Variants in DPH6 observed in about 807,000 individuals in gnomAD.
DPH6 encodes diphthine--ammonia ligase.
Under a neutral mutation model 38.2 loss-of-function variants are expected in DPH6, and 33 were observed. The observed-to-expected ratio is 0.86, with a 90% CI of 0.65 to 1.15. DPH6 has a LOEUF of 1.15. DPH6 is among the 50% of genes most tolerant of loss of function. The probability of loss-of-function intolerance (pLI) is 0.00; values close to 1 mark genes in which losing one functional copy is unlikely to be tolerated. For synonymous variants in DPH6, 108 were observed against 103.0 expected (o/e 1.05, Z -0.30); for missense variants, 325 against 320.0 (o/e 1.02, Z -0.12).
intron 3 of DPH6, among the ~76,000 whole-genome samples, chr15:35,507,793 T>A (rs939689676): frequency 1.4e-4 from 22 of 152,040 alleles, no homozygotes; most frequent in African/African-American, 5.3e-4. Context: ...CTGGTTGGGT[T>A]TTCAACTCTT....
intron 5 of DPH6, among the ~76,000 whole-genome samples, chr15:35,443,120 T>C (rs1370827214): frequency 6.6e-6 from 1 of 152,160 alleles, no homozygotes; most frequent in Non-Finnish European, 1.5e-5. Context: ...TAAAAAGATC[T>C]CTTAAAAATG....
intron 3 of DPH6, among the ~76,000 whole-genome samples, chr15:35,324,879 ATGAAAG>A (rs2052269438): frequency 6.6e-6 from 1 of 152,206 alleles, no homozygotes; most frequent in South Asian, 2.1e-4. Flanking sequence ...ACTGGCTGCT[ATGAAAG>A]TGAAACAATT....
intron 3 of DPH6, among the ~76,000 whole-genome samples, chr15:35,279,958 A>T (rs2051887682): frequency 6.6e-6 from 1 of 151,990 alleles, no homozygotes; most frequent in Non-Finnish European, 1.5e-5. Context: ...TGAGGGAGTA[A>T]TCTCTTTCCC....
intron 6 of DPH6, among the ~76,000 whole-genome samples, chr15:35,388,476 C>G (rs2053004090): frequency 6.6e-6 from 1 of 152,110 alleles, no homozygotes; most frequent in Non-Finnish European, 1.5e-5. Flanking sequence ...TGGTCCTGGA[C>G]TGTTTTTATT....
chr15:35,362,660 A>G (rs1236697028), intron 3 of DPH6, among the ~76,000 whole-genome samples: 1 of 152,230 alleles, frequency 6.6e-6, no homozygotes, highest in African/African-American at 2.4e-5. Context: ...ATTGCCCCAA[A>G]GAGTTGGAAT....
intron 3 of DPH6, chr15:35,520,229 A>C (rs2054903365): frequency 9.7e-5 from 49 of 504,044 alleles, no homozygotes; most frequent in Non-Finnish European, 1.2e-4. Flanking sequence ...ACAAAAAAAA[A>C]CAAAAAAAAA....
intron 3 of DPH6, among the ~76,000 whole-genome samples, chr15:35,251,574 T>C (rs372764447): frequency 2.6e-5 from 4 of 152,218 alleles, no homozygotes; most frequent in African/African-American, 7.2e-5. Context: ...ACCACACCTG[T>C]GTACCACATC....
Position 35,408,423 on chromosome 15 carries a change from T to C in DPH6, c.567+2412A>G, listed in dbSNP as rs1401362953. Among the ~76,000 whole-genome samples, 14 of 151,982 alleles carry C rather than the reference T, an allele frequency of 9.2e-5. No homozygotes were observed. In the East Asian group the frequency reaches 2.5e-3, roughly 27 times the overall value. The stretch of plus-strand genomic sequence containing the variant: ...TGATGACAAAGAGAATGGCAAAAAA[T>C]GATGGATATCAAGGCTACCATCGAG... On this transcript the variant is annotated intron_variant, in intron 6 of 8. Coordinates refer to ENST00000256538, the MANE Select transcript of DPH6 (RefSeq NM_080650.4).
chr15:35,439,987 A>G (rs1256263850), intron 5 of DPH6, among the ~76,000 whole-genome samples: 1 of 152,218 alleles, frequency 6.6e-6, no homozygotes, highest in Non-Finnish European at 1.5e-5. Flanking sequence ...GAGAGAAATT[A>G]TGTTTCAAAA....
chr15:35,245,077 A>G (rs937923591), intron 3 of DPH6, among the ~76,000 whole-genome samples: 13 of 152,270 alleles, frequency 8.5e-5, no homozygotes, highest in African/African-American at 2.9e-4. Context: ...AGTGTGATTT[A>G]AATATGAACC....
chr15:35,262,705 CAAAAAAAAAAAAAAAA>C (rs58580024), intron 3 of DPH6, among the ~76,000 whole-genome samples: 3 of 82,622 alleles, frequency 3.6e-5, no homozygotes, highest in East Asian at 2.8e-4. Flanking sequence ...GACTCCGTCT[CAAAAAAAAAAAAAAAA>C]AAAAAAAAAA....
At chr15:35,514,832 G>C (rs552602585) in intron 3 of DPH6, among the ~76,000 whole-genome samples, 11 of 152,266 alleles carry the variant, frequency 7.2e-5, no homozygotes, top group African/African-American at 2.6e-4. Flanking sequence ...GGCCCAGATA[G>C]AGCAATACTG....
At chr15:35,246,428 T>C (rs528389074) in intron 3 of DPH6, among the ~76,000 whole-genome samples, 1 of 152,316 alleles carries the variant, frequency 6.6e-6, no homozygotes, top group Non-Finnish European at 1.5e-5. Flanking sequence ...ATAATTTGGA[T>C]ATTTAGTTAG....
chr15:35,542,965 T>TATATATATATATATATAAA (rs58422347), intron 1 of DPH6, among the ~76,000 whole-genome samples: 14 of 76,176 alleles, frequency 1.8e-4, no homozygotes, highest in Non-Finnish European at 3.1e-4. Context: ...TATATATATA[T>TATATATATATATATATAAA]AAAATAATTT....
intron 3 of DPH6, among the ~76,000 whole-genome samples, chr15:35,531,586 G>A (rs564820673): frequency 2.0e-5 from 3 of 151,936 alleles, no homozygotes; most frequent in Non-Finnish European, 2.9e-5. Flanking sequence ...CAATTCTCTC[G>A]CCTCAGCCTC....
the DPH6 span, among the ~76,000 whole-genome samples, chr15:35,155,391 T>C: frequency 1.2e-4 from 18 of 152,338 alleles, no homozygotes; most frequent in Admixed American, 1.0e-3. Flanking sequence ...GCTGGCATAA[T>C]TGTTCTCCAT....
intron 5 of DPH6, among the ~76,000 whole-genome samples, chr15:35,431,996 C>G (rs1031957622): frequency 3.3e-5 from 5 of 152,132 alleles, no homozygotes; most frequent in Non-Finnish European, 7.3e-5. Flanking sequence ...TCAATACTTA[C>G]TATGACTCAT....
the DPH6 span, among the ~76,000 whole-genome samples, chr15:35,162,627 C>T: frequency 2.0e-5 from 3 of 151,860 alleles, no homozygotes; most frequent in East Asian, 3.9e-4. Flanking sequence ...TTTCTCTCTC[C>T]CTTACCCTGC....
At chr15:35,145,965 A>G in the DPH6 span, among the ~76,000 whole-genome samples, 1 of 152,184 alleles carries the variant, frequency 6.6e-6, no homozygotes. Flanking sequence ...CATTTGTGTA[A>G]TATTTCATAG....
Sources: allele counts gnomAD v4.1 joint callset (sites outside exome capture counted in the v4.1 genomes callset), GRCh38; gene constraint gnomAD v4.1.1; transcripts MANE v1.5; gene names NCBI Gene and HGNC (gene_info 2026-07-23, HGNC 2026-07-21).